MNAT1: variants seen among roughly 807,000 people sequenced by gnomAD.
MNAT1 encodes the protein MNAT1 component of CDK activating kinase.
A neutral mutation model predicts 42.0 loss-of-function variants in MNAT1; 43 were observed. That is an observed-to-expected ratio of 1.02 (90% CI 0.80 to 1.32). MNAT1 has a LOEUF of 1.32. Ranked by LOEUF, MNAT1 falls within the 40% of genes most tolerant of loss-of-function variation. MNAT1 has a pLI of 0.00. For synonymous variants in MNAT1, 118 were observed against 120.0 expected (o/e 0.98, Z 0.11); for missense variants, 306 against 350.4 (o/e 0.87, Z 1.01).
In MNAT1 at chr14:60,968,214, C is replaced by G; in HGVS notation, c.810-15C>G. 6.3e-7 allele frequency: 1 copy of G among 1,585,014 alleles called. No individual in the cohort carries two copies. Among genetic ancestry groups the G allele is most frequent in the East Asian group, 2.2e-5 (1 of 44,672 alleles). On this transcript the variant is annotated splice_polypyrimidine_tract_variant and intron_variant, in intron 7 of 7. Coordinates refer to ENST00000261245, the MANE Select transcript of MNAT1 (RefSeq NM_002431.4). ...TGCTTTGTATATCAATGCTACACTT[C>G]TTGTTTTGTTTTAGGTATTTAAACC... is the stretch of plus-strand genomic sequence containing the variant.
At chr14:60,965,750 C>T (rs555796605) in intron 7 of MNAT1, among the ~76,000 whole-genome samples, 1 of 152,252 alleles carries the variant, frequency 6.6e-6, no homozygotes, top group South Asian at 2.1e-4. Flanking sequence ...TCTATTGAAG[C>T]TAAGACTATG....
At chr14:60,924,169 G>A (rs2035718685) in intron 7 of MNAT1, among the ~76,000 whole-genome samples, 1 of 152,120 alleles carries the variant, frequency 6.6e-6, no homozygotes, top group African/African-American at 2.4e-5. Context: ...GTAGATGTTT[G>A]TAAATAAAAA....
chr14:60,865,259 G>A (rs2034179652), intron 6 of MNAT1, among the ~76,000 whole-genome samples: 1 of 152,006 alleles, frequency 6.6e-6, no homozygotes, highest in South Asian at 2.1e-4. Context: ...AATAGTAGTA[G>A]TATTTGTAGA....
At chr14:60,918,690 T>G (rs978721672) in intron 7 of MNAT1, among the ~76,000 whole-genome samples, 1 of 150,498 alleles carries the variant, frequency 6.6e-6, no homozygotes, top group African/African-American at 2.4e-5. Flanking sequence ...TGTTCCAAAT[T>G]ATTGTGGAAT....
intron 1 of MNAT1, among the ~76,000 whole-genome samples, chr14:60,793,739 A>T (rs1440008155): frequency 6.6e-6 from 1 of 152,098 alleles, no homozygotes; most frequent in Non-Finnish European, 1.5e-5. Context: ...AGATGTGGCC[A>T]CACAAACACT....
intron 1 of MNAT1, among the ~76,000 whole-genome samples, chr14:60,767,877 C>A (rs1420044117): frequency 1.3e-5 from 2 of 152,158 alleles, no homozygotes; most frequent in Non-Finnish European, 2.9e-5. Context: ...GATTCCCTTG[C>A]CTCAGCCTCC....
chr14:60,744,053 T>G (rs1362981728), intron 1 of MNAT1, among the ~76,000 whole-genome samples: 2 of 152,232 alleles, frequency 1.3e-5, no homozygotes, highest in Non-Finnish European at 2.9e-5. Flanking sequence ...TTCCATTAAT[T>G]CCTTTAAAAT....
chr14:60,918,153 T>C (rs1407076567), intron 7 of MNAT1, among the ~76,000 whole-genome samples: 2 of 150,898 alleles, frequency 1.3e-5, no homozygotes, highest in Non-Finnish European at 2.9e-5. Context: ...TTCTCACTTT[T>C]AGATTTGTGA....
At chr14:60,889,897 T>C (rs1263921961) in intron 7 of MNAT1, among the ~76,000 whole-genome samples, 2 of 152,074 alleles carry the variant, frequency 1.3e-5, no homozygotes, top group African/African-American at 2.4e-5. Context: ...AAAACCACAA[T>C]GAGATACCAT....
At chr14:60,905,456 G>C (rs2035175083) in intron 7 of MNAT1, among the ~76,000 whole-genome samples, 1 of 152,168 alleles carries the variant, frequency 6.6e-6, no homozygotes, top group African/African-American at 2.4e-5. Context: ...AGATACATAA[G>C]AGGATGTTCA....
intron 6 of MNAT1, among the ~76,000 whole-genome samples, chr14:60,872,835 T>TACAC (rs200338598): frequency 0.012 from 1,746 of 146,868 alleles, 18 homozygotes; most frequent in East Asian, 0.039. Flanking sequence ...CACACACACA[T>TACAC]ACACACACAC....
At chr14:60,852,124 G>A (rs1461129008) in intron 6 of MNAT1, among the ~76,000 whole-genome samples, 1 of 152,096 alleles carries the variant, frequency 6.6e-6, no homozygotes, top group Non-Finnish European at 1.5e-5. Flanking sequence ...CTTCCACAAT[G>A]GTTAAGCTAA....
At chr14:60,845,873 A>T (rs1044407101) in intron 6 of MNAT1, among the ~76,000 whole-genome samples, 3 of 152,020 alleles carry the variant, frequency 2.0e-5, no homozygotes, top group Admixed American at 2.0e-4. Context: ...TAGTATGAGG[A>T]TAATATTGAC....
intron 1 of MNAT1, among the ~76,000 whole-genome samples, chr14:60,764,535 G>A (rs558509974): frequency 2.0e-5 from 3 of 152,268 alleles, no homozygotes; most frequent in African/African-American, 7.2e-5. Flanking sequence ...AGACATTAAA[G>A]CATTAGAGTT....
At chr14:60,767,827 C>T (rs1163672089) in intron 1 of MNAT1, among the ~76,000 whole-genome samples, 4 of 151,928 alleles carry the variant, frequency 2.6e-5, no homozygotes, top group Admixed American at 1.3e-4. Context: ...AGTAGTGGCA[C>T]AATCTCAGCT....
intron 2 of MNAT1, among the ~76,000 whole-genome samples, chr14:60,797,621 TG>T (rs1260951210): frequency 1.3e-5 from 2 of 152,134 alleles, no homozygotes; most frequent in African/African-American, 4.8e-5. Flanking sequence ...GTTACAAACC[TG>T]GTGTCAAGAA....
intron 6 of MNAT1, among the ~76,000 whole-genome samples, chr14:60,863,589 C>G (rs1424883612): frequency 1.3e-5 from 2 of 152,020 alleles, no homozygotes; most frequent in Non-Finnish European, 2.9e-5. Context: ...CTAAATATAC[C>G]TATCCATGAA....
chr14:60,918,608 G>GT lies in MNAT1; in HGVS notation c.809+38774dup, dbSNP rs34901471. On this transcript the variant is annotated intron_variant, in intron 7 of 7. Transcript: ENST00000261245. ...TAAAAAATGTATCAACTAAATTATG[G>GT]TGCACAAACATCATAAAAGATGAAA... Among the ~76,000 whole-genome samples the GT allele has an allele frequency of 3.1e-3, 471 of 151,626 alleles. 6 individuals are homozygous for GT. Among genetic ancestry groups the GT allele is most frequent in the African/African-American group, 0.01 (416 of 41,318 alleles).
intron 7 of MNAT1, among the ~76,000 whole-genome samples, chr14:60,905,948 A>G (rs2035189017): frequency 1.3e-5 from 2 of 152,210 alleles, no homozygotes. Context: ...AAGTTGACAC[A>G]TAAAATTCCA....
Sources: allele counts gnomAD v4.1 joint callset (sites outside exome capture counted in the v4.1 genomes callset), GRCh38; gene constraint gnomAD v4.1.1; transcripts MANE v1.5; gene names NCBI Gene and HGNC (gene_info 2026-07-23, HGNC 2026-07-21).